Variants in ST6GALNAC3 observed in about 807,000 individuals in gnomAD.
The protein encoded by ST6GALNAC3 is ST6 N-acetylgalactosaminide alpha-2,6-sialyltransferase 3.
A neutral mutation model predicts 32.7 loss-of-function variants in ST6GALNAC3; 25 were observed. That is an observed-to-expected ratio of 0.76 (90% CI 0.56 to 1.07). The LOEUF (loss-of-function observed/expected upper bound fraction) is 1.07, where lower values mean the gene tolerates loss of function less well. Among genes scored for constraint, ST6GALNAC3 ranks in the 50% least tolerant of loss-of-function variants. The probability of loss-of-function intolerance (pLI) is 0.00; values close to 1 mark genes in which losing one functional copy is unlikely to be tolerated. For missense variants in ST6GALNAC3, 355 were observed against 382.4 expected (o/e 0.93, Z 0.60); for synonymous variants, 129 against 133.1 (o/e 0.97, Z 0.21).
chr1:76,449,825 T>C (rs1657259133), intron 3 of ST6GALNAC3, among the ~76,000 whole-genome samples: 1 of 152,214 alleles, frequency 6.6e-6, no homozygotes, highest in Admixed American at 6.5e-5. Context: ...TTATTTGTTT[T>C]GATTTCAATA....
chr1:76,636,380 G>A (rs1332158108), downstream of ST6GALNAC3, among the ~76,000 whole-genome samples: 2 of 152,036 alleles, frequency 1.3e-5, no homozygotes, highest in African/African-American at 2.4e-5. Flanking sequence ...ACAGAGATTA[G>A]CCTTTTTTTT....
intron 3 of ST6GALNAC3, among the ~76,000 whole-genome samples, chr1:76,482,282 C>T (rs1659775252): frequency 6.6e-6 from 1 of 152,086 alleles, no homozygotes; most frequent in Admixed American, 6.6e-5. Flanking sequence ...GTCATAATTA[C>T]TGTGTTGCTT....
intron 1 of ST6GALNAC3, among the ~76,000 whole-genome samples, chr1:76,289,971 G>C (rs1189470233): frequency 6.6e-6 from 1 of 152,200 alleles, no homozygotes; most frequent in African/African-American, 2.4e-5. Context: ...CCTGGGCAGA[G>C]TGAATAGTAA....
intron 1 of ST6GALNAC3, among the ~76,000 whole-genome samples, chr1:76,298,225 A>G (rs1478240988): frequency 3.9e-5 from 6 of 152,062 alleles, no homozygotes; most frequent in African/African-American, 1.4e-4. Flanking sequence ...AAGTGCTTCA[A>G]ATAACGTATC....
chr1:76,305,503 A>T (rs1328081657), intron 1 of ST6GALNAC3, among the ~76,000 whole-genome samples: 1 of 152,060 alleles, frequency 6.6e-6, no homozygotes, highest in Non-Finnish European at 1.5e-5. Flanking sequence ...TGTAGGATAG[A>T]CAGGATCAGG....
chr1:76,484,650 C>A (rs1659975328), intron 3 of ST6GALNAC3, among the ~76,000 whole-genome samples: 1 of 152,162 alleles, frequency 6.6e-6, no homozygotes, highest in Non-Finnish European at 1.5e-5. Context: ...TCTAAATATA[C>A]AATCATGTCA....
At chr1:76,416,044 C>T (rs972578311) in intron 3 of ST6GALNAC3, among the ~76,000 whole-genome samples, 4 of 148,148 alleles carry the variant, frequency 2.7e-5, no homozygotes, top group African/African-American at 1.0e-4. Flanking sequence ...AACACACACA[C>T]ACACACACAC....
chr1:76,576,073 T>G (rs1189904697), intron 3 of ST6GALNAC3, among the ~76,000 whole-genome samples: 1 of 151,950 alleles, frequency 6.6e-6, no homozygotes, highest in East Asian at 1.9e-4. Context: ...AAAGGATGGT[T>G]TCTCTAAACA....
chr1:76,272,340 A>G (rs1164196662), intron 1 of ST6GALNAC3, among the ~76,000 whole-genome samples: 2 of 151,848 alleles, frequency 1.3e-5, no homozygotes, highest in Non-Finnish European at 2.9e-5. Flanking sequence ...AAAAAAAAAA[A>G]AAAAATTAAA....
At chr1:76,355,339 A>C (rs1043187143) in intron 2 of ST6GALNAC3, among the ~76,000 whole-genome samples, 1 of 152,198 alleles carries the variant, frequency 6.6e-6, no homozygotes. Flanking sequence ...TACCAAAGAC[A>C]ATTTCCATTT....
intron 2 of ST6GALNAC3, among the ~76,000 whole-genome samples, chr1:76,370,989 T>C (rs564444169): frequency 6.6e-6 from 1 of 152,280 alleles, no homozygotes; most frequent in East Asian, 1.9e-4. Flanking sequence ...TGACACAAGT[T>C]TTTTATTTCA....
chr1:76,342,319 CCCA>C (rs1159908754), intron 2 of ST6GALNAC3, among the ~76,000 whole-genome samples: 7 of 152,278 alleles, frequency 4.6e-5, no homozygotes, highest in African/African-American at 1.4e-4. Flanking sequence ...AATTTACACT[CCCA>C]CCAACAGTGT....
intron 1 of ST6GALNAC3, among the ~76,000 whole-genome samples, chr1:76,225,574 T>C (rs1329927028): frequency 6.6e-6 from 1 of 152,188 alleles, no homozygotes; most frequent in Non-Finnish European, 1.5e-5. Flanking sequence ...TCTGTGTTAC[T>C]GTTTATTCAG....
chr1:76,525,808 T>TATATATATATATATATAC (rs1662869273), intron 3 of ST6GALNAC3, among the ~76,000 whole-genome samples: 1 of 129,706 alleles, frequency 7.7e-6, no homozygotes, highest in Non-Finnish European at 1.7e-5. Flanking sequence ...TATATATATA[T>TATATATATATATATATAC]ATATATATAT....
At chr1:76,113,528 GTTTTTTTT>G (rs556737768) in intron 1 of ST6GALNAC3, among the ~76,000 whole-genome samples, 1 of 146,538 alleles carries the variant, frequency 6.8e-6, no homozygotes, top group African/African-American at 2.5e-5. Context: ...TTGTTTTTCT[GTTTTTTTT>G]TTTCCAAGAT....
chr1:76,362,764 G>C (rs1465698169), intron 2 of ST6GALNAC3, among the ~76,000 whole-genome samples: 1 of 152,226 alleles, frequency 6.6e-6, no homozygotes, highest in Non-Finnish European at 1.5e-5. Context: ...GGGACACACT[G>C]ATGCAAGGGG....
At chr1:76,555,152 A>G (rs1664844287) in intron 3 of ST6GALNAC3, among the ~76,000 whole-genome samples, 1 of 152,282 alleles carries the variant, frequency 6.6e-6, no homozygotes, top group South Asian at 2.1e-4. Flanking sequence ...ATGTCAGCTT[A>G]TTAGAGTAAG....
intron 1 of ST6GALNAC3, among the ~76,000 whole-genome samples, chr1:76,262,827 A>T (rs1658317275): frequency 1.3e-5 from 2 of 152,136 alleles, no homozygotes; most frequent in South Asian, 4.1e-4. Context: ...CACATTTCTT[A>T]CTTCCACGTT....
rs148566309 is a variant in ST6GALNAC3 at position 76,447,236 on chromosome 1, G to A, written c.623+34819G>A. ...TTACATTTTAGCAAAGAGACTGGTGGCATTTTGCCCCTGTCCTAGAAATTT... is the reference window on the plus strand; with the variant it reads ...TTACATTTTAGCAAAGAGACTGGTGACATTTTGCCCCTGTCCTAGAAATTT... On this transcript the variant is annotated intron_variant, in intron 3 of 4. Coordinates refer to ENST00000328299, the MANE Select transcript of ST6GALNAC3 (RefSeq NM_152996.4). 8.3e-4 allele frequency among the ~76,000 whole-genome samples: 126 copies of A among 152,302 alleles called. 1 individual carries two copies. Among genetic ancestry groups the A allele is most frequent in the African/African-American group, 2.9e-3 (119 of 41,568 alleles).
Sources: allele counts gnomAD v4.1 joint callset (sites outside exome capture counted in the v4.1 genomes callset), GRCh38; gene constraint gnomAD v4.1.1; transcripts MANE v1.5; gene names NCBI Gene and HGNC (gene_info 2026-07-23, HGNC 2026-07-21).